The following C1QTNF1 variants were observed in gnomAD, a reference collection of about 807,000 sequenced individuals.
C1QTNF1 encodes the protein complement C1q tumor necrosis factor-related protein 1.
Under a neutral mutation model 27.8 loss-of-function variants are expected in C1QTNF1, and 22 were observed. The observed-to-expected ratio is 0.79, with a 90% CI of 0.56 to 1.13. The LOEUF (loss-of-function observed/expected upper bound fraction) is 1.13. C1QTNF1 is among the 50% of genes most tolerant of loss of function. The pLI is 0.00. For missense variants in C1QTNF1, 373 were observed against 380.2 expected, an observed-to-expected ratio of 0.98 and a Z score of 0.16; for synonymous variants, 166 against 154.3, an observed-to-expected ratio of 1.08 and a Z score of -0.56.
At position 79,047,617 on chromosome 17, in the gene C1QTNF1, T is replaced by C. The variant is rs778920102; in HGVS notation, c.375T>C (p.Thr125=). The change falls in exon 4 of 4, where the codon ACT becomes ACC. Residue 125 remains threonine, a synonymous_variant. Transcript: ENST00000579760. ...GCTCAGCAGGGGCCAGGGGCCACACTGGACCCAAAGGGCAGAAGGGCTCCA... is the reference window on the plus strand; with the variant it reads ...GCTCAGCAGGGGCCAGGGGCCACACCGGACCCAAAGGGCAGAAGGGCTCCA... ...KTGSAGARGH[T]GPKGQKGSMG... The C allele has an allele frequency of 6.3e-7, 1 of 1,587,208 alleles. No homozygotes were observed. Among genetic ancestry groups the C allele is most frequent in the Non-Finnish European group, 8.6e-7 (1 of 1,165,168 alleles).
intron 1 of C1QTNF1, among the ~76,000 whole-genome samples, chr17:79,030,319 T>G (rs201344839): frequency 1.3e-4 from 19 of 147,826 alleles, no homozygotes; most frequent in East Asian, 9.9e-4. Flanking sequence ...CTTTGTGGTT[T>G]TGTGTGTGTG....
intron 1 of C1QTNF1, among the ~76,000 whole-genome samples, chr17:79,037,304 A>T (rs1392266667): frequency 2.0e-5 from 3 of 151,994 alleles, no homozygotes; most frequent in African/African-American, 7.3e-5. Flanking sequence ...TAATTTTTGT[A>T]TTTTTAGTAG....
At chr17:79,043,457 GTGT>G (rs1341000634) in intron 1 of C1QTNF1, 2 of 453,768 alleles carry the variant, frequency 4.4e-6, no homozygotes, top group East Asian at 7.0e-5. Flanking sequence ...GATTCCATGT[GTGT>G]TAAGAGTGTG....
intron 1 of C1QTNF1, 47 bp from the exon 2 acceptor site, chr17:79,043,908 G>C (rs542919190): frequency 1.2e-6 from 2 of 1,604,972 alleles, no homozygotes; most frequent in Non-Finnish European, 1.7e-6. Context: ...TCTCTGTGCA[G>C]CTCCTTCCTA....
At chr17:79,044,321 G>A (rs369455017) in intron 2 of C1QTNF1, among the ~76,000 whole-genome samples, 198 bp downstream of exon 2, 185 of 152,298 alleles carry the variant, frequency 1.2e-3, no homozygotes, top group Middle Eastern at 6.8e-3. Flanking sequence ...CACCTCACCT[G>A]AAACTGCGGA....
chr17:79,025,849 G>A, intron 1 of C1QTNF1: 3 of 411,290 alleles, frequency 7.3e-6, no homozygotes, highest in South Asian at 5.3e-5. Flanking sequence ...GAGGCCCCTA[G>A]AGTCCACCCA....
At chr17:79,041,925 C>CTT (rs35690317) in intron 1 of C1QTNF1, 67,274 of 151,842 alleles carry the variant, frequency 0.44, 16,946 homozygotes, top group East Asian at 0.69. Flanking sequence ...AGAAATCTGT[C>CTT]AGGATTTTAA....
rs549580734 is a variant in C1QTNF1, at chr17:79,048,248, C to T, written c.*160C>T. 1.3e-3 allele frequency: 967 copies of T among 738,562 alleles called. 5 individuals carry two copies. The African/African-American group carries it at 0.015, about 12-fold the overall frequency. 45.8% of individuals were successfully genotyped at this position (738,562 alleles called of 1,614,324 possible). A position where few individuals can be genotyped will look rare whatever the true frequency, so the allele number is the denominator to read the frequency against. On this transcript the variant is annotated 3_prime_UTR_variant, in exon 4 of 4. Coordinates refer to ENST00000579760, the MANE Select transcript of C1QTNF1 (RefSeq NM_030968.5). ...CAAAGCGATCGGTGCTCCCAGATCC[C>T]GCAGCCTCTGGAGAGAGCTGACGGC... is the stretch of plus-strand genomic sequence containing the variant.
chr17:79,045,835 C>G (rs1339683619), intron 2 of C1QTNF1, among the ~76,000 whole-genome samples: 2 of 152,154 alleles, frequency 1.3e-5, no homozygotes, highest in Non-Finnish European at 2.9e-5. Flanking sequence ...AGATGTCCAT[C>G]TGGGAGTCCT....
At chr17:79,037,050 T>A (rs1234154874) in intron 1 of C1QTNF1, among the ~76,000 whole-genome samples, 1 of 152,216 alleles carries the variant, frequency 6.6e-6, no homozygotes, top group Non-Finnish European at 1.5e-5. Context: ...CACACAAGCA[T>A]GAGAGCACGG....
At chr17:79,039,378 G>A (rs917655909) in intron 1 of C1QTNF1, among the ~76,000 whole-genome samples, 13 of 151,074 alleles carry the variant, frequency 8.6e-5, no homozygotes, top group African/African-American at 1.5e-4. Context: ...TGGCTGGCGC[G>A]GTGGCAAACG....
chr17:79,024,202 T>A lies in C1QTNF1; in HGVS notation c.-307T>A, dbSNP rs1447392069. On this transcript the variant is annotated 5_prime_UTR_variant, in exon 1 of 4. Coordinates refer to ENST00000579760, the MANE Select transcript of C1QTNF1 (RefSeq NM_030968.5). The stretch of plus-strand genomic sequence containing the variant: ...CTGGGCTTCGCTCCTTGCGCGTCTG[T>A]CCCACTTTCTCCCTCTCTTCCTTTA... The A allele has an allele frequency of 6.6e-6, 1 of 152,324 alleles. No individual in the cohort carries two copies. The highest frequency in any genetic ancestry group is 1.5e-5 in the Non-Finnish European group (1 of 68,130). 9.4% of individuals were successfully genotyped at this position (152,324 alleles called of 1,614,324 possible). A position where few individuals can be genotyped will look rare whatever the true frequency, so the allele number is the denominator to read the frequency against.
Position 79,047,821 on chromosome 17 carries a change from C to G in C1QTNF1, c.579C>G (p.Tyr193Ter). 6.2e-7 allele frequency: 1 copy of G among 1,614,230 alleles called. No individual in the cohort carries two copies. The highest frequency in any genetic ancestry group is 1.3e-5 in the African/African-American group (1 of 75,062). The change falls in exon 4 of 4, where the codon TAC (tyrosine) becomes TAG (stop). Residue 193 changes from tyrosine to a stop codon, truncating the protein, a stop_gained. Transcript: ENST00000579760. LOFTEE classifies it high-confidence loss of function. The stretch of plus-strand genomic sequence containing the variant: ...TCTACTGCTACGTGCCCGGCCTCTA[C>G]TTCTTCAGCCTCAACGTGCACACCT... ...GKFYCYVPGL[Y>*]FFSLNVHTWN...
At chr17:79,040,553 T>C (rs2072377200) in intron 1 of C1QTNF1, among the ~76,000 whole-genome samples, 1 of 151,860 alleles carries the variant, frequency 6.6e-6, no homozygotes, top group South Asian at 2.1e-4. Flanking sequence ...GATTTTATTG[T>C]CATCTGTTGT....
Position 79,046,576 on chromosome 17 carries a change from A to G in C1QTNF1, c.177A>G (p.Lys59=). ...TCAGGGCTGAAGAACAACATGAAAA[A>G]TACAGGCCCAGTCAGGACCAGGGGC... The part of the protein sequence containing the change: ...HAERAEEQHE[K]YRPSQDQGLP... The change falls in exon 3 of 4, where the codon AAA becomes AAG. Residue 59 remains lysine, a synonymous_variant. Transcript: ENST00000579760. This position sits in a 1 kb window ranked among gnomAD's most constrained non-coding sequence, Gnocchi z 4.8. 1.2e-6 allele frequency: 2 copies of G among 1,614,200 alleles called. No homozygotes were observed. Among genetic ancestry groups the G allele is most frequent in the Non-Finnish European group, 1.7e-6 (2 of 1,180,032 alleles).
At chr17:79,025,397 G>C (rs981472334) in intron 1 of C1QTNF1, among the ~76,000 whole-genome samples, 1 of 152,162 alleles carries the variant, frequency 6.6e-6, no homozygotes, top group Admixed American at 6.5e-5. Flanking sequence ...GAGGGAGGAA[G>C]CCGCCCCCCT....
intron 1 of C1QTNF1, among the ~76,000 whole-genome samples, chr17:79,033,531 TA>T (rs67515165): frequency 0.16 from 23,896 of 147,656 alleles, 2,472 homozygotes; most frequent in African/African-American, 0.3. Flanking sequence ...ATCCTGTCTC[TA>T]AAAAAAAAAA....
chr17:79,024,463 G>GCGGCGCGGGAGGAGCGGC lies in C1QTNF1; in HGVS notation c.-40_-23dup, dbSNP rs1555668763. 2.0e-5 allele frequency: 3 copies of GCGGCGCGGGAGGAGCGGC among 152,666 alleles called. No individual in the cohort carries two copies. Among genetic ancestry groups the GCGGCGCGGGAGGAGCGGC allele is most frequent in the Non-Finnish European group, 2.9e-5 (2 of 68,406 alleles). 9.5% of individuals were successfully genotyped at this position (152,666 alleles called of 1,614,324 possible). On this transcript the variant is annotated 5_prime_UTR_variant, in exon 1 of 4. Transcript: ENST00000579760. ...TTGGCCGGCGGGAGATGCTCTAGGG[G>GCGGCGCGGGAGGAGCGGC]CGGCGCGGGAGGAGCGGCCGGCGGG...
At position 79,048,071 on chromosome 17, in the gene C1QTNF1, C is replaced by G. The variant is rs370910279; in HGVS notation, c.829C>G (p.His277Asp). The G allele has an allele frequency of 2.6e-6, 4 of 1,568,324 alleles. No homozygotes were observed. Among genetic ancestry groups the G allele is most frequent in the Non-Finnish European group, 3.4e-6 (4 of 1,161,396 alleles). The stretch of plus-strand genomic sequence containing the variant: ...CACCTTCAGTGGCTACCTGGTCAAG[C>G]ACGCCACCGAGCCCTAGCTGGCCGG... ...YITFSGYLVK[H>D]ATEP Residue 277 changes from histidine (H) to aspartate (D), a missense_variant, in exon 4 of 4, where the codon CAC becomes GAC. Coordinates refer to ENST00000579760, the MANE Select transcript of C1QTNF1 (RefSeq NM_030968.5).
Sources: gnomAD v4.1 joint callset for allele counts (sites outside exome capture counted in the v4.1 genomes callset) on GRCh38, gnomAD v4.1.1 for gene constraint, Gnocchi (gnomAD v3.1) non-coding constraint, MANE v1.5 for transcripts, NCBI Gene and HGNC (gene_info 2026-07-23, HGNC 2026-07-21) for gene names.